C1QL3: variants seen among roughly 807,000 people sequenced by gnomAD.
C1QL3 encodes complement C1q like 3.
C1QL3 carries 4 observed loss-of-function variants against 16.6 expected under a neutral mutation model. The ratio of observed to expected loss-of-function variants is 0.24; its 90% CI spans 0.12 to 0.55. C1QL3 has a LOEUF of 0.55. Among genes scored for constraint, C1QL3 ranks in the 20% least tolerant of loss-of-function variants. The probability of loss-of-function intolerance (pLI) is 0.94; values close to 1 mark genes in which losing one functional copy is unlikely to be tolerated. For missense variants in C1QL3, 269 were observed against 365.6 expected (o/e 0.74, Z 2.16); for synonymous variants, 189 against 160.2 (o/e 1.18, Z -1.36).
Position 16,520,040 on chromosome 10 carries a change from G to A in C1QL3, c.588+438C>T, listed in dbSNP as rs1424277260. Among the ~76,000 whole-genome samples, 3 of 151,798 alleles carry A rather than the reference G, an allele frequency of 2.0e-5. No homozygotes were observed. The stretch of plus-strand genomic sequence containing the variant: ...CCTCCGGCCTTTGTCTACCACCCCC[G>A]AGTCGGTCACCCTGCCACGCCCATT... On this transcript the variant is annotated intron_variant, in intron 1 of 1. Transcript: ENST00000298943. This position sits in a 1 kb window ranked among gnomAD's most constrained non-coding sequence, Gnocchi z 8.3.
chr10:16,520,920 C>A lies in C1QL3; in HGVS notation c.146G>T (p.Arg49Leu), dbSNP rs773193390. Reference sequence around the variant, plus strand: ...GGTGGGCAGGGACTGCATGAGGCCGCGGTCGGGCGTGGCAGCGGTGCTGGG... The same window carrying A: ...GGTGGGCAGGGACTGCATGAGGCCGAGGTCGGGCGTGGCAGCGGTGCTGGG... Reference protein sequence around the residue: ...KAPSTAATPDRGLMQSLPTFI... With the variant: ...KAPSTAATPDLGLMQSLPTFI... Residue 49 changes from arginine (R) to leucine (L), a missense_variant, in exon 1 of 2, where the codon CGC becomes CTC. Physicochemically the swap from Arg to Leu is moderately radical, Grantham distance 102. Transcript: ENST00000298943. The surrounding 1 kb of genome is among the most constrained non-coding windows in gnomAD (Gnocchi z 8.3). 6.4e-7 allele frequency: 1 copy of A among 1,562,054 alleles called. No individual in the cohort carries two copies. The highest frequency in any genetic ancestry group is 1.2e-5 in the South Asian group (1 of 86,202).
intron 1 of C1QL3, among the ~76,000 whole-genome samples, chr10:16,515,067 C>T (rs1480495106): frequency 4.0e-5 from 6 of 151,872 alleles, no homozygotes; most frequent in African/African-American, 1.2e-4. Context: ...GTATTTTTTG[C>T]ATTTTAATTT....
intron 1 of C1QL3, among the ~76,000 whole-genome samples, chr10:16,515,147 C>T (rs190989197): frequency 8.6e-5 from 13 of 151,788 alleles, no homozygotes; most frequent in African/African-American, 2.9e-4. Flanking sequence ...CAGCTGTTCA[C>T]CACAATTATT....
At chr10:16,516,171 GCTGTA>G (rs1564417112) in intron 1 of C1QL3, among the ~76,000 whole-genome samples, 1 of 152,116 alleles carries the variant, frequency 6.6e-6, no homozygotes, top group Non-Finnish European at 1.5e-5. Context: ...ATTGCTTAAC[GCTGTA>G]CTAACAGGCA....
Position 16,520,417 on chromosome 10 carries a change from C to T in C1QL3, c.588+61G>A, listed in dbSNP as rs1257698154. 3.1e-6 allele frequency: 4 copies of T among 1,297,022 alleles called. No individual in the cohort carries two copies. The Admixed American group carries it at 8.8e-5, about 29-fold the overall frequency. The allele number at this position is 1,297,022 out of a possible 1,614,324, so 80.3% of individuals were successfully genotyped here. On this transcript the variant is annotated intron_variant, in intron 1 of 1. Transcript: ENST00000298943. This position sits in a 1 kb window ranked among gnomAD's most constrained non-coding sequence, Gnocchi z 8.3. ...CCACCCCCATTTCCGGGGTCTCCTC[C>T]CTCTCGCCCGCACCTTCCCGCGCTC...
intron 1 of C1QL3, among the ~76,000 whole-genome samples, chr10:16,518,805 C>A (rs765335650): frequency 1.3e-5 from 2 of 152,030 alleles, no homozygotes; most frequent in Non-Finnish European, 2.9e-5. Flanking sequence ...CAGAAGAGAG[C>A]CAATTTGCAA....
intron 1 of C1QL3, among the ~76,000 whole-genome samples, chr10:16,517,864 T>A (rs992466165): frequency 6.6e-6 from 1 of 152,210 alleles, no homozygotes; most frequent in East Asian, 1.9e-4. Context: ...AACAAAAGGT[T>A]AAGTGGCACA....
rs1334918721 is a variant in C1QL3, at chr10:16,521,093, C to G, written c.-28G>C. ...CCACCCCCAGCGCCCCGGCGGCGAT[C>G]AGGCGCCTCCTGCTGCCCACCAGCC... On this transcript the variant is annotated 5_prime_UTR_variant, in exon 1 of 2. Coordinates refer to ENST00000298943, the MANE Select transcript of C1QL3 (RefSeq NM_001010908.2). The G allele has an allele frequency of 1.3e-6, 2 of 1,566,304 alleles. No individual in the cohort carries two copies. Among genetic ancestry groups the G allele is most frequent in the African/African-American group, 1.4e-5 (1 of 73,712 alleles).
At chr10:16,516,035 G>C (rs1013982697) in intron 1 of C1QL3, among the ~76,000 whole-genome samples, 5 of 152,096 alleles carry the variant, frequency 3.3e-5, no homozygotes, top group African/African-American at 1.2e-4. Context: ...TCACGTTAAT[G>C]CTGAAATGTT....
chr10:16,518,610 C>T (rs1184693935), intron 1 of C1QL3, among the ~76,000 whole-genome samples: 1 of 152,190 alleles, frequency 6.6e-6, no homozygotes, highest in African/African-American at 2.4e-5. Context: ...GTCTAGACAT[C>T]AACATTTAAA....
At position 16,521,800 on chromosome 10, in the gene C1QL3, C is replaced by G. The variant is rs934915370; in HGVS notation, c.-735G>C. On this transcript the variant is annotated 5_prime_UTR_variant, in exon 1 of 2. Transcript: ENST00000298943. ...GGAGGAGCGAGCGAGCAGCGGCGAG[C>G]GCCTCACGGCCGGGAGCGGAGCGAG... is the stretch of plus-strand genomic sequence containing the variant. The G allele has an allele frequency of 3.3e-5, 5 of 152,702 alleles. No individual in the cohort carries two copies. Among genetic ancestry groups the G allele is most frequent in the African/African-American group, 4.8e-5 (2 of 41,404 alleles). 9.5% of individuals were successfully genotyped at this position (152,702 alleles called of 1,614,324 possible).
Position 16,520,310 on chromosome 10 carries a change from C to A in C1QL3, c.588+168G>T, listed in dbSNP as rs566084532. Among the ~76,000 whole-genome samples, 2,694 of 152,072 alleles carry A rather than the reference C, an allele frequency of 0.018. 39 individuals are homozygous for A. Among genetic ancestry groups the A allele is most frequent in the African/African-American group, 0.042 (1,726 of 41,504 alleles). Reference sequence around the variant, plus strand: ...GGGGCGCCCTCCTGCGCGCACGACCCCCGCCTCTCCAGGGTGGGACGGCGT... The same window carrying A: ...GGGGCGCCCTCCTGCGCGCACGACCACCGCCTCTCCAGGGTGGGACGGCGT... On this transcript the variant is annotated intron_variant, in intron 1 of 1. Coordinates refer to ENST00000298943, the MANE Select transcript of C1QL3 (RefSeq NM_001010908.2). The surrounding 1 kb of genome is among the most constrained non-coding windows in gnomAD (Gnocchi z 8.3).
At chr10:16,518,513 G>A (rs73595371) in intron 1 of C1QL3, among the ~76,000 whole-genome samples, 11,826 of 152,216 alleles carry the variant, frequency 0.078, 498 homozygotes, top group African/African-American at 0.096. Context: ...ACCCCAAACA[G>A]TGAAATAATT....
chr10:16,516,919 T>C (rs1836960885), intron 1 of C1QL3, among the ~76,000 whole-genome samples: 1 of 152,194 alleles, frequency 6.6e-6, no homozygotes, highest in African/African-American at 2.4e-5. Context: ...CGTAAGACTG[T>C]CCCAATTAAA....
chr10:16,517,530 C>T lies in C1QL3; in HGVS notation c.589-2823G>A, dbSNP rs896325711. Among the ~76,000 whole-genome samples the T allele has an allele frequency of 3.3e-5, 5 of 152,220 alleles. No individual in the cohort carries two copies. The East Asian group carries it at 9.6e-4, about 29-fold the overall frequency. Reference sequence around the variant, plus strand: ...TAGCAATTTTTCTTCATGTTTTCTGCTAAAAGGATTATCAACATTAAAGAG... The same window carrying T: ...TAGCAATTTTTCTTCATGTTTTCTGTTAAAAGGATTATCAACATTAAAGAG... On this transcript the variant is annotated intron_variant, in intron 1 of 1. Coordinates refer to ENST00000298943, the MANE Select transcript of C1QL3 (RefSeq NM_001010908.2).
rs202178157 is a variant in C1QL3, at chr10:16,514,760, C to CT, written c.589-54dup. 1.5e-3 allele frequency: 2,152 copies of CT among 1,420,692 alleles called. 17 individuals carry two copies. The African/African-American group carries it at 0.022, about 15-fold the overall frequency. The allele number at this position is 1,420,692 out of a possible 1,614,324, so 88.0% of individuals were successfully genotyped here. A position where few individuals can be genotyped will look rare whatever the true frequency, so the allele number is the denominator to read the frequency against. On this transcript the variant is annotated intron_variant, in intron 1 of 1. Coordinates refer to ENST00000298943, the MANE Select transcript of C1QL3 (RefSeq NM_001010908.2). ...GCGTAAATGAGAATTCTCAAGTTTT[C>CT]TTTTTTGCCATTCATGTAGCATCAC...
chr10:16,519,140 CTTTTTT>C (rs567187339), intron 1 of C1QL3, among the ~76,000 whole-genome samples: 1 of 39,474 alleles, frequency 2.5e-5, no homozygotes, highest in Non-Finnish European at 4.4e-5. Flanking sequence ...GCATTTAGGA[CTTTTTT>C]TTTTTTTTTT....
chr10:16,520,986 G>T lies in C1QL3; in HGVS notation c.80C>A (p.Thr27Asn). 1 of 1,594,374 alleles carries T rather than the reference G, an allele frequency of 6.3e-7. No homozygotes were observed. The highest frequency in any genetic ancestry group is 8.5e-7 in the Non-Finnish European group (1 of 1,176,664). Residue 27 changes from threonine to asparagine, a missense_variant, in exon 1 of 2, where the codon ACC (threonine) becomes AAC (asparagine). By Grantham distance (65) the Thr-to-Asn change is moderately conservative. This residue lies in a region of C1QL3 where 246 missense variants were observed against 297.2 expected (regional missense o/e 0.83). Transcript: ENST00000298943. The surrounding 1 kb of genome is among the most constrained non-coding windows in gnomAD (Gnocchi z 8.3). Reference sequence around the variant, plus strand: ...GTAGGGGTCGCAGACCATGCGGCAGGTGCCCAGCATCTCGTAGTGCGCCGA... The same window carrying T: ...GTAGGGGTCGCAGACCATGCGGCAGTTGCCCAGCATCTCGTAGTGCGCCGA... ...GTSAHYEMLG[T>N]CRMVCDPYGG...
intron 1 of C1QL3, among the ~76,000 whole-genome samples, chr10:16,518,606 A>G (rs1836988587): frequency 6.6e-6 from 1 of 152,228 alleles, no homozygotes; most frequent in African/African-American, 2.4e-5. Flanking sequence ...AGCAGTCTAG[A>G]CATCAACATT....
Sources: allele counts gnomAD v4.1 joint callset (sites outside exome capture counted in the v4.1 genomes callset), GRCh38; gene constraint gnomAD v4.1.1; regional missense constraint gnomAD v4.1.1; non-coding constraint Gnocchi (gnomAD v3.1); transcripts MANE v1.5; gene names NCBI Gene and HGNC (gene_info 2026-07-23, HGNC 2026-07-21).